Variants in HBS1L observed in about 807,000 individuals in gnomAD.
HBS1L encodes HBS1-like protein.
HBS1L carries 55 observed loss-of-function variants against 88.9 expected under a neutral mutation model. The ratio of observed to expected loss-of-function variants is 0.62; its 90% CI spans 0.50 to 0.77. The LOEUF (loss-of-function observed/expected upper bound fraction) is 0.77, where lower values mean the gene tolerates loss of function less well. Ranked by LOEUF, HBS1L falls within the 30% of genes least tolerant of loss-of-function variation. The probability of loss-of-function intolerance (pLI) is 0.00; values close to 1 mark genes in which losing one functional copy is unlikely to be tolerated. For synonymous variants in HBS1L, 267 were observed against 288.5 expected, an observed-to-expected ratio of 0.93 and a Z score of 0.76; for missense variants, 741 against 829.3, an observed-to-expected ratio of 0.89 and a Z score of 1.31.
intron 4 of HBS1L, chr6:135,036,452 T>G (rs1776551491): frequency 7.3e-7 from 1 of 1,368,594 alleles, no homozygotes; most frequent in Admixed American, 3.5e-5. Flanking sequence ...CCTACGACAA[T>G]TTTCATAAAA....
intron 4 of HBS1L, among the ~76,000 whole-genome samples, chr6:135,015,359 T>A (rs546872161): frequency 1.5e-4 from 23 of 152,254 alleles, no homozygotes; most frequent in Admixed American, 1.3e-3. Context: ...AAAATTTAAG[T>A]GAGATTCCAA....
chr6:134,966,915 T>TTAACCAACA, intron 16 of HBS1L, among the ~76,000 whole-genome samples: 1 of 147,430 alleles, frequency 6.8e-6, no homozygotes, highest in African/African-American at 2.7e-5. Flanking sequence ...AAACTGTAAT[T>TTAACCAACA]TATGGAATGT....
intron 7 of HBS1L, among the ~76,000 whole-genome samples, chr6:134,995,921 T>C (rs1775276551): frequency 1.3e-5 from 2 of 152,140 alleles, no homozygotes; most frequent in South Asian, 4.1e-4. Context: ...CGTTACCTTA[T>C]ATGTTTATAA....
chr6:134,999,118 T>C (rs543304305), intron 5 of HBS1L, among the ~76,000 whole-genome samples: 2 of 152,394 alleles, frequency 1.3e-5, no homozygotes, highest in African/African-American at 4.8e-5. Flanking sequence ...ACATAGGCTC[T>C]GGTCTGAATC....
At chr6:134,987,128 C>A (rs1297473230) in intron 9 of HBS1L, among the ~76,000 whole-genome samples, 1 of 151,968 alleles carries the variant, frequency 6.6e-6, no homozygotes, top group South Asian at 2.1e-4. Context: ...TAAATTACAT[C>A]TTTAAAATAG....
chr6:135,006,147 T>C (rs1775604794), intron 4 of HBS1L, among the ~76,000 whole-genome samples: 1 of 152,152 alleles, frequency 6.6e-6, no homozygotes, highest in Non-Finnish European at 1.5e-5. Context: ...ATCCAACAGG[T>C]ATAAGAAGAA....
intron 6 of HBS1L, 125 bp downstream of exon 6, chr6:134,997,272 G>C (rs1775316081): frequency 1.8e-6 from 2 of 1,111,170 alleles, no homozygotes; most frequent in Admixed American, 2.0e-5. Context: ...AGCATTATGA[G>C]ACTGTGCCTC....
At chr6:135,042,227 C>CTA in intron 2 of HBS1L, 101 bp from the exon 3 acceptor site, 1 of 1,008,874 alleles carries the variant, frequency 9.9e-7, no homozygotes, top group Non-Finnish European at 1.4e-6. Flanking sequence ...AATCAATCAC[C>CTA]TATAGTTACC....
chr6:134,990,142 G>T (rs1304847658), intron 8 of HBS1L, among the ~76,000 whole-genome samples: 2 of 152,040 alleles, frequency 1.3e-5, no homozygotes, highest in Non-Finnish European at 2.9e-5. Context: ...GATACCTAAG[G>T]CCACAAATGT....
intron 13 of HBS1L, 149 bp from the exon 14 acceptor site, chr6:134,979,417 C>T (rs547498522): frequency 2.3e-5 from 14 of 614,430 alleles, no homozygotes; most frequent in East Asian, 5.7e-5. Flanking sequence ...TAACTGTGAG[C>T]GTTGAGGAAA....
At chr6:135,041,612 C>T (rs889183177) in intron 3 of HBS1L, among the ~76,000 whole-genome samples, 2 of 151,936 alleles carry the variant, frequency 1.3e-5, no homozygotes, top group African/African-American at 4.8e-5. Context: ...TTTTTTGAAA[C>T]CTCTTGAACT....
At chr6:134,993,706 A>C (rs1290795339) in intron 8 of HBS1L, 52 bp downstream of exon 8, 2 of 760,744 alleles carry the variant, frequency 2.6e-6, no homozygotes, top group Non-Finnish European at 4.0e-6. Flanking sequence ...AGCATCAGAA[A>C]ATTTTATGTA....
At chr6:135,048,745 T>G (rs1290117980) in intron 2 of HBS1L, among the ~76,000 whole-genome samples, 1 of 152,234 alleles carries the variant, frequency 6.6e-6, no homozygotes, top group Non-Finnish European at 1.5e-5. Flanking sequence ...ATAAAATAAC[T>G]GGTGCAATTT....
chr6:135,036,796 T>G (rs1776565645), intron 4 of HBS1L: 1 of 1,551,794 alleles, frequency 6.4e-7, no homozygotes, highest in African/African-American at 1.4e-5. Flanking sequence ...AGCAAGGGCC[T>G]TGGTCCAAGA....
rs982798065 is a variant in HBS1L, at chr6:134,961,990, C to A, written c.*3289G>T. 2 of 152,158 alleles carry A rather than the reference C, an allele frequency of 1.3e-5. No homozygotes were observed. Among genetic ancestry groups the A allele is most frequent in the Non-Finnish European group, 2.9e-5 (2 of 68,044 alleles). 9.4% of individuals were successfully genotyped at this position (152,158 alleles called of 1,614,324 possible). A position where few individuals can be genotyped will look rare whatever the true frequency, so the allele number is the denominator to read the frequency against. ...TTATCTCTTTATGATACCCTGTCCC[C>A]TGGTTGGACTATCAGCCCTATTAAG... On this transcript the variant is annotated 3_prime_UTR_variant, in exon 18 of 18. Coordinates refer to ENST00000367837, the MANE Select transcript of HBS1L (RefSeq NM_006620.4).
chr6:135,039,162 C>G (rs1854865), intron 4 of HBS1L, among the ~76,000 whole-genome samples: 79,115 of 149,650 alleles, frequency 0.53, 20,767 homozygotes, highest in South Asian at 0.57. Context: ...AAAATACAAA[C>G]AAAAAAAAAA....
At position 135,039,648 on chromosome 6, in the gene HBS1L, C is replaced by G; in HGVS notation, c.355G>C (p.Val119Leu). The G allele has an allele frequency of 6.2e-7, 1 of 1,614,134 alleles. No homozygotes were observed. The highest frequency in any genetic ancestry group is 8.5e-7 in the Non-Finnish European group (1 of 1,180,012). ...KFDVQKALSGVLEQDRVQSLK... is the reference protein window; with the variant it reads ...KFDVQKALSGLLEQDRVQSLK... ...CTCTGCACTCTATCTTGTTCCAGAACCCCTGACAAAGCCTTCTGCACATCA... is the reference window on the plus strand; with the variant it reads ...CTCTGCACTCTATCTTGTTCCAGAAGCCCTGACAAAGCCTTCTGCACATCA... The change falls in exon 4 of 18, where the codon GTT (valine) becomes CTT (leucine). Residue 119 changes from valine to leucine, a missense_variant. Val to Leu is a conservative substitution (Grantham distance 32). This residue lies in a region of HBS1L where 556 missense variants were observed against 598.4 expected (regional missense o/e 0.93). Transcript: ENST00000367837.
chr6:135,018,963 T>A (rs1393786643), intron 4 of HBS1L, among the ~76,000 whole-genome samples: 6 of 151,942 alleles, frequency 3.9e-5, no homozygotes, highest in Non-Finnish European at 8.8e-5. Flanking sequence ...TTGGGCATAT[T>A]ATTTATAAGC....
intron 5 of HBS1L, among the ~76,000 whole-genome samples, chr6:135,001,900 G>T (rs1374912153): frequency 6.6e-6 from 1 of 150,608 alleles, no homozygotes; most frequent in African/African-American, 2.4e-5. Flanking sequence ...AATAAATAAG[G>T]TTCCTGGGTT....
Sources: gnomAD v4.1 joint callset for allele counts (sites outside exome capture counted in the v4.1 genomes callset) on GRCh38, gnomAD v4.1.1 for gene constraint, gnomAD v4.1.1 regional missense constraint, MANE v1.5 for transcripts, NCBI Gene and HGNC (gene_info 2026-07-23, HGNC 2026-07-21) for gene names.